The following EPHA5 variants were observed in gnomAD, a reference collection of about 807,000 sequenced individuals.
The protein encoded by EPHA5 is EPH receptor A5.
In EPHA5, 60 loss-of-function variants were observed where a neutral mutation model predicts 105.0. The observed-to-expected ratio is 0.57, with a 90% CI of 0.46 to 0.71. EPHA5 has a LOEUF of 0.71. Ranked by LOEUF, EPHA5 falls within the 30% of genes least tolerant of loss-of-function variation. The pLI is 0.00. For missense variants in EPHA5, 1,218 were observed against 1,274.7 expected, an observed-to-expected ratio of 0.96 and a Z score of 0.68; for synonymous variants, 513 against 449.1, an observed-to-expected ratio of 1.14 and a Z score of -1.80.
chr4:65,344,585 T>A (rs974741145), intron 14 of EPHA5, among the ~76,000 whole-genome samples: 5 of 152,160 alleles, frequency 3.3e-5, no homozygotes, highest in Admixed American at 3.3e-4. Context: ...ATGTTTCCCT[T>A]GAGTGAAGTA....
At chr4:65,516,423 A>G (rs1020352432) in intron 3 of EPHA5, among the ~76,000 whole-genome samples, 7 of 91,112 alleles carry the variant, frequency 7.7e-5, no homozygotes, top group African/African-American at 3.2e-4. Context: ...AAGGATGAAG[A>G]GGAGGAAGAG....
At position 65,495,444 on chromosome 4, in the gene EPHA5, A is replaced by G; in HGVS notation, c.1010T>C (p.Val337Ala). 6.2e-7 allele frequency: 1 copy of G among 1,613,900 alleles called. No individual in the cohort carries two copies. Among genetic ancestry groups the G allele is most frequent in the Non-Finnish European group, 8.5e-7 (1 of 1,179,866 alleles). ...TCTCCTGAAATAATCCTTTTCACAG[A>G]CACAAGAGGTTGAAGCTTCCTCATG... Reference protein sequence around the residue: ...YTHEEASTSCVCEKDYFRRES... With the variant: ...YTHEEASTSCACEKDYFRRES... Residue 337 changes from valine (V) to alanine (A), a missense_variant, in exon 4 of 17, where the codon GTC (valine) becomes GCC (alanine). By Grantham distance (64) the Val-to-Ala change is moderately conservative (BLOSUM62 0). Around this residue, in one of 3 missense-constraint regions of EPHA5, gnomAD observed 971 missense variants for 1,013.5 expected, o/e 0.96. Transcript: ENST00000613740.
chr4:65,598,029 A>T (rs936325296), intron 3 of EPHA5, among the ~76,000 whole-genome samples: 1 of 152,194 alleles, frequency 6.6e-6, no homozygotes, highest in Non-Finnish European at 1.5e-5. Flanking sequence ...AGAAATATTA[A>T]CATATGAAAA....
At chr4:65,504,367 T>A (rs10004869) in intron 3 of EPHA5, among the ~76,000 whole-genome samples, 34,180 of 148,616 alleles carry the variant, frequency 0.23, 4,080 homozygotes, top group African/African-American at 0.28. Context: ...TATTGAAAAA[T>A]ATATATATAT....
chr4:65,345,573 C>G (rs1259410635), intron 14 of EPHA5, among the ~76,000 whole-genome samples: 1 of 152,198 alleles, frequency 6.6e-6, no homozygotes, highest in East Asian at 1.9e-4. Context: ...GGGGAACAGA[C>G]AGAGAGCGAG....
At chr4:65,330,942 T>C (rs1045041747) in intron 16 of EPHA5, 11 of 1,042,664 alleles carry the variant, frequency 1.1e-5, no homozygotes, top group African/African-American at 8.3e-5. Context: ...GTGACATTAA[T>C]TGGTGATAAA....
chr4:65,455,358 A>T (rs1203394692), intron 5 of EPHA5, among the ~76,000 whole-genome samples: 1 of 152,234 alleles, frequency 6.6e-6, no homozygotes, highest in Non-Finnish European at 1.5e-5. Context: ...TCAATTTACT[A>T]GAGTGCACAC....
At chr4:65,352,978 T>G in intron 12 of EPHA5, 64 bp downstream of exon 12, 1 of 1,147,568 alleles carries the variant, frequency 8.7e-7, no homozygotes, top group Non-Finnish European at 1.2e-6. Flanking sequence ...AGCATCATCA[T>G]CACAGCACAA....
intron 7 of EPHA5, among the ~76,000 whole-genome samples, chr4:65,412,738 A>T (rs1357520809): frequency 2.6e-5 from 4 of 152,150 alleles, no homozygotes; most frequent in Admixed American, 6.6e-5. Context: ...ACAGGAAATG[A>T]TTAAGTATTA....
chr4:65,464,387 T>G (rs1043114042), intron 5 of EPHA5, among the ~76,000 whole-genome samples: 1 of 152,068 alleles, frequency 6.6e-6, no homozygotes, highest in Non-Finnish European at 1.5e-5. Context: ...CTCAGGAGAT[T>G]GATAAGGCAA....
chr4:65,406,876 C>T (rs923833413), intron 7 of EPHA5, among the ~76,000 whole-genome samples: 5 of 151,848 alleles, frequency 3.3e-5, no homozygotes, highest in Admixed American at 1.3e-4. Flanking sequence ...ACAAAAAAAT[C>T]AAACTGGTTT....
At chr4:65,629,084 TA>T (rs1746402608) in intron 2 of EPHA5, among the ~76,000 whole-genome samples, 1 of 152,222 alleles carries the variant, frequency 6.6e-6, no homozygotes. Context: ...TGTCATCAAA[TA>T]TTTATAATAA....
chr4:65,549,777 A>G (rs1318420121), intron 3 of EPHA5, among the ~76,000 whole-genome samples: 1 of 152,152 alleles, frequency 6.6e-6, no homozygotes, highest in African/African-American at 2.4e-5. Context: ...TCACATAGAA[A>G]AATTTCTGTT....
chr4:65,435,928 T>C (rs547424309), intron 5 of EPHA5, among the ~76,000 whole-genome samples: 1 of 152,042 alleles, frequency 6.6e-6, no homozygotes, highest in Non-Finnish European at 1.5e-5. Flanking sequence ...TCTATAAAAT[T>C]TAAATATGAT....
intron 5 of EPHA5, among the ~76,000 whole-genome samples, chr4:65,480,505 C>A (rs1003369788): frequency 1.3e-5 from 2 of 152,060 alleles, no homozygotes; most frequent in East Asian, 1.9e-4. Context: ...ACGAAGTTCT[C>A]GTTTTTGGCT....
At chr4:65,468,609 ATAT>A (rs1184022330) in intron 5 of EPHA5, among the ~76,000 whole-genome samples, 2 of 132,000 alleles carry the variant, frequency 1.5e-5, no homozygotes, top group Admixed American at 8.7e-5. Context: ...TATATTATAT[ATAT>A]TATATATATA....
rs527758464 is a variant in EPHA5 at position 65,411,575 on chromosome 4, C to T, written c.1687+2709G>A. Among the ~76,000 whole-genome samples the T allele has an allele frequency of 3.2e-4, 49 of 152,026 alleles. No individual in the cohort carries two copies. The Middle Eastern group carries it at 0.01, about 32-fold the overall frequency. Reference sequence around the variant, plus strand: ...CTTAGTACAGATGGCTCATTAAAGCCAGAACTCTTTAACTATGACTTACCA... The same window carrying T: ...CTTAGTACAGATGGCTCATTAAAGCTAGAACTCTTTAACTATGACTTACCA... On this transcript the variant is annotated intron_variant, in intron 7 of 16. Transcript: ENST00000613740.
intron 5 of EPHA5, among the ~76,000 whole-genome samples, chr4:65,442,761 TAGCAA>T (rs1726145300): frequency 6.6e-6 from 1 of 152,186 alleles, no homozygotes. Flanking sequence ...TTAGAGCTAG[TAGCAA>T]AACATTTTTG....
chr4:65,326,496 C>T lies in EPHA5; in HGVS notation c.2946-2277G>A, dbSNP rs1038400663. 4.0e-5 allele frequency among the ~76,000 whole-genome samples: 6 copies of T among 151,310 alleles called. No homozygotes were observed. In the East Asian group the frequency reaches 5.8e-4, roughly 15 times the overall value. ...ATACTTTGCCTGAGGCTATGGTCAC[C>T]AAATCTGACCATAGTAGTTTCTGTT... On this transcript the variant is annotated intron_variant, in intron 16 of 16. Transcript: ENST00000613740.
Sources: gnomAD v4.1 joint callset for allele counts (sites outside exome capture counted in the v4.1 genomes callset) on GRCh38, gnomAD v4.1.1 for gene constraint, gnomAD v4.1.1 regional missense constraint, MANE v1.5 for transcripts, NCBI Gene and HGNC (gene_info 2026-07-23, HGNC 2026-07-21) for gene names.